Variants in TYW1 observed in about 807,000 individuals in gnomAD.
TYW1 encodes the protein tRNA-yW synthesizing protein 1 homolog, also known as S-adenosyl-L-methionine-dependent tRNA 4-demethylwyosine synthase TYW1.
A neutral mutation model predicts 96.2 loss-of-function variants in TYW1; 46 were observed. The observed-to-expected ratio is 0.48, with a 90% confidence interval of 0.38 to 0.61. The LOEUF is 0.61. TYW1 is among the 20% of genes least tolerant of loss of function. The pLI is 0.00. For missense variants in TYW1, 684 were observed against 909.6 expected, an observed-to-expected ratio of 0.75 and a Z score of 3.19; for synonymous variants, 274 against 323.0, an observed-to-expected ratio of 0.85 and a Z score of 1.63.
Position 67,056,087 on chromosome 7 carries a change from T to C in TYW1, c.1155+200T>C, listed in dbSNP as rs150073595. Among the ~76,000 whole-genome samples, 719 of 152,348 alleles carry C rather than the reference T, an allele frequency of 4.7e-3. 2 individuals carry two copies. Among genetic ancestry groups the C allele is most frequent in the African/African-American group, 0.016 (686 of 41,580 alleles). ...CCAACTCCAATTAAGATATAAGTTA[T>C]TATCCCCACCCCAGTGAATTTATTG... On this transcript the variant is annotated intron_variant, in intron 9 of 15. Transcript: ENST00000359626.
intron 10 of TYW1, among the ~76,000 whole-genome samples, chr7:67,067,942 A>G (rs1171414614): frequency 1.3e-5 from 2 of 152,166 alleles, no homozygotes; most frequent in African/African-American, 2.4e-5. Flanking sequence ...TTTAAGTGAA[A>G]GAAAATGGCT....
rs10267595 is a variant in TYW1 at position 67,198,407 on chromosome 7, G to A, written c.1977+3070G>A. Among the ~76,000 whole-genome samples the A allele has an allele frequency of 1.7e-4, 26 of 151,636 alleles. No individual in the cohort carries two copies. The East Asian group carries it at 3.5e-3, about 20-fold the overall frequency. ...CTCTAATAAAAATACTAAAATTAGCGGGGTGTGGTGGCGGGGGCCTGTAAT... is the reference window on the plus strand; with the variant it reads ...CTCTAATAAAAATACTAAAATTAGCAGGGTGTGGTGGCGGGGGCCTGTAAT... On this transcript the variant is annotated intron_variant, in intron 15 of 15. Coordinates refer to ENST00000359626, the MANE Select transcript of TYW1 (RefSeq NM_018264.4).
At chr7:67,166,224 C>T (rs1799317090) in intron 13 of TYW1, among the ~76,000 whole-genome samples, 1 of 148,180 alleles carries the variant, frequency 6.7e-6, no homozygotes, top group Non-Finnish European at 1.5e-5. Flanking sequence ...CACTGCTCTC[C>T]AGCCTGTGTG....
chr7:67,098,814 G>C, intron 12 of TYW1, 96 bp downstream of exon 12: 1 of 1,317,468 alleles, frequency 7.6e-7, no homozygotes, highest in South Asian at 1.5e-5. Flanking sequence ...AGGATTTATT[G>C]ATTACTTACT....
At chr7:67,195,869 T>C (rs1289134347) in intron 15 of TYW1, among the ~76,000 whole-genome samples, 1 of 147,704 alleles carries the variant, frequency 6.8e-6, no homozygotes, top group Admixed American at 6.8e-5. Flanking sequence ...AAATAACTCC[T>C]AGCAAAGGAA....
intron 3 of TYW1, among the ~76,000 whole-genome samples, chr7:67,006,439 T>C (rs1313428627): frequency 8.1e-5 from 3 of 36,954 alleles, no homozygotes; most frequent in Admixed American, 7.3e-4. Context: ...TCTTTTTTCC[T>C]TTTTTTTTTT....
At chr7:67,073,334 C>T (rs547938297) in intron 10 of TYW1, among the ~76,000 whole-genome samples, 18 of 152,214 alleles carry the variant, frequency 1.2e-4, no homozygotes, top group Admixed American at 3.9e-4. Flanking sequence ...GCTAAGCATT[C>T]CCTAATGCAT....
At chr7:67,188,029 A>G (rs13227747) in intron 14 of TYW1, among the ~76,000 whole-genome samples, 1 of 152,242 alleles carries the variant, frequency 6.6e-6, no homozygotes, top group Non-Finnish European at 1.5e-5. Flanking sequence ...GAGGAGTTTT[A>G]AAAATCATTG....
intron 7 of TYW1, among the ~76,000 whole-genome samples, chr7:67,044,489 A>G (rs1174729964): frequency 1.3e-5 from 2 of 152,190 alleles, no homozygotes; most frequent in Non-Finnish European, 2.9e-5. Flanking sequence ...GCTGTCTGAT[A>G]GTTTTGAGGC....
At chr7:67,062,666 G>A (rs1198083321) in intron 9 of TYW1, among the ~76,000 whole-genome samples, 2 of 152,140 alleles carry the variant, frequency 1.3e-5, no homozygotes, top group East Asian at 3.9e-4. Context: ...ATAAGGGAGT[G>A]CTGCAAACAA....
intron 3 of TYW1, among the ~76,000 whole-genome samples, chr7:67,006,948 CTTTTTTTTTTTTTT>C (rs34475001): frequency 1.8e-4 from 8 of 45,118 alleles, no homozygotes; most frequent in South Asian, 1.1e-3. Flanking sequence ...AGATGTGAGG[CTTTTTTTTTTTTTT>C]TTTTTTTTTT....
intron 4 of TYW1, among the ~76,000 whole-genome samples, chr7:67,013,138 G>A (rs1178139819): frequency 6.9e-6 from 1 of 144,286 alleles, no homozygotes; most frequent in African/African-American, 2.6e-5. Flanking sequence ...TTTTTGAGAT[G>A]GAGTCTTCGC....
chr7:67,015,901 T>C (rs1348428985), intron 5 of TYW1, among the ~76,000 whole-genome samples: 2 of 146,648 alleles, frequency 1.4e-5, no homozygotes, highest in Non-Finnish European at 3.0e-5. Context: ...AGGCAGAGCT[T>C]GCAGTGAGCC....
chr7:67,040,957 A>G (rs1425317643), intron 7 of TYW1, among the ~76,000 whole-genome samples: 1 of 152,212 alleles, frequency 6.6e-6, no homozygotes, highest in Non-Finnish European at 1.5e-5. Flanking sequence ...ATTAGAGGGC[A>G]CTGGAGAAAA....
chr7:67,017,047 A>G (rs1176501933), intron 5 of TYW1, among the ~76,000 whole-genome samples: 2 of 150,384 alleles, frequency 1.3e-5, no homozygotes, highest in African/African-American at 4.9e-5. Context: ...CAATGGCACA[A>G]TCTCGGCTCA....
intron 4 of TYW1, among the ~76,000 whole-genome samples, 174 bp from the exon 5 acceptor site, chr7:67,014,193 T>C (rs1241811914): frequency 6.6e-6 from 1 of 152,228 alleles, no homozygotes; most frequent in Non-Finnish European, 1.5e-5. Flanking sequence ...TTCTCCCCCG[T>C]GCAAGCTGTT....
chr7:67,160,794 G>A (rs529679010), intron 13 of TYW1, among the ~76,000 whole-genome samples: 1 of 151,622 alleles, frequency 6.6e-6, no homozygotes, highest in African/African-American at 2.4e-5. Context: ...GTTTCACCAC[G>A]TTGGCCAGGC....
intron 12 of TYW1, among the ~76,000 whole-genome samples, chr7:67,101,951 A>G (rs947308260): frequency 6.6e-5 from 10 of 152,334 alleles, no homozygotes; most frequent in South Asian, 2.1e-4. Context: ...TAAGAAGTCA[A>G]TGTGTCTGTT....
chr7:67,149,722 A>AT (rs1554376826), intron 13 of TYW1, among the ~76,000 whole-genome samples: 9 of 140,120 alleles, frequency 6.4e-5, no homozygotes, highest in East Asian at 2.1e-4. Context: ...AGGAAAAAAA[A>AT]TATCTATCTA....
Sources: allele counts gnomAD v4.1 joint callset (sites outside exome capture counted in the v4.1 genomes callset), GRCh38; gene constraint gnomAD v4.1.1; transcripts MANE v1.5; gene names NCBI Gene and HGNC (gene_info 2026-07-23, HGNC 2026-07-21).